Variants in GLYR1 observed in about 807,000 individuals in gnomAD.
The protein encoded by GLYR1 is glyoxylate reductase 1 homolog, also known as cytokine-like nuclear factor N-PAC.
Under a neutral mutation model 72.7 loss-of-function variants are expected in GLYR1, and 21 were observed. That is an observed-to-expected ratio of 0.29 (90% CI 0.20 to 0.42). The LOEUF is 0.42. Ranked by LOEUF, GLYR1 falls within the 10% of genes least tolerant of loss-of-function variation. GLYR1 has a pLI of 1.00. For missense variants in GLYR1, 594 were observed against 712.1 expected (o/e 0.83, Z 1.89); for synonymous variants, 392 against 270.2 (o/e 1.45, Z -4.42).
chr16:4,816,021 T>C (rs953756507), intron 10 of GLYR1, among the ~76,000 whole-genome samples: 1 of 152,224 alleles, frequency 6.6e-6, no homozygotes, highest in Non-Finnish European at 1.5e-5. Context: ...CCCCAGTCTC[T>C]GCCTTCCAAA....
chr16:4,830,221 CTTT>C (rs35409655), intron 5 of GLYR1, among the ~76,000 whole-genome samples: 10 of 123,562 alleles, frequency 8.1e-5, no homozygotes, highest in Admixed American at 8.5e-5. Context: ...CCAACTTTGT[CTTT>C]TTTTTTTTTT....
At chr16:4,807,206 G>A (rs2083043923) in intron 15 of GLYR1, among the ~76,000 whole-genome samples, 1 of 151,216 alleles carries the variant, frequency 6.6e-6, no homozygotes, top group South Asian at 2.1e-4. Context: ...CCGCCTCCTG[G>A]GTTCAAGTGA....
rs144597336 is a variant in GLYR1, at chr16:4,844,979, T to G, written c.155+95A>C. On this transcript the variant is annotated intron_variant, in intron 3 of 15. Transcript: ENST00000321919. ...CCAGTATTACACATTATAAGAAGAC[T>G]GAACTAAGGATCCTTAGAATATTTT... 282 of 820,102 alleles carry G rather than the reference T, an allele frequency of 3.4e-4. No individual in the cohort carries two copies. In the African/African-American group the frequency reaches 4.4e-3, roughly 13 times the overall value. 50.8% of individuals were successfully genotyped at this position (820,102 alleles called of 1,614,324 possible). A position where few individuals can be genotyped will look rare whatever the true frequency, so the allele number is the denominator to read the frequency against.
chr16:4,828,950 A>T (rs2084608737), intron 5 of GLYR1, among the ~76,000 whole-genome samples: 1 of 152,126 alleles, frequency 6.6e-6, no homozygotes, highest in South Asian at 2.1e-4. Context: ...AGACAATATC[A>T]ATTTGGGAAA....
At chr16:4,813,468 A>C (rs1271049024) in intron 12 of GLYR1, among the ~76,000 whole-genome samples, 1 of 152,166 alleles carries the variant, frequency 6.6e-6, no homozygotes, top group Non-Finnish European at 1.5e-5. Flanking sequence ...CCCCAATGCC[A>C]GGCGGGCGGC....
intron 6 of GLYR1, 97 bp from the exon 7 acceptor site, chr16:4,823,028 C>T: frequency 1.0e-6 from 1 of 970,866 alleles, no homozygotes; most frequent in Non-Finnish European, 1.7e-6. Context: ...TGCAACACCT[C>T]TGGATTCTGG....
At chr16:4,826,848 C>T (rs1290681988) in intron 5 of GLYR1, among the ~76,000 whole-genome samples, 1 of 152,172 alleles carries the variant, frequency 6.6e-6, no homozygotes, top group Non-Finnish European at 1.5e-5. Flanking sequence ...GGTGGTGCAG[C>T]CCTAGGACTC....
Position 4,804,790 on chromosome 16 carries a change from G to A in GLYR1, c.*446C>T, listed in dbSNP as rs762027640. 1.0e-4 allele frequency: 20 copies of A among 198,502 alleles called. No homozygotes were observed. The highest frequency in any genetic ancestry group is 2.0e-4 in the South Asian group (2 of 10,040). The allele number at this position is 198,502 out of a possible 1,614,324, so 12.3% of individuals were successfully genotyped here. On this transcript the variant is annotated 3_prime_UTR_variant, in exon 16 of 16. Transcript: ENST00000321919. Reference sequence around the variant, plus strand: ...ATGGGGACATGACTACAGCCTCTTCGCTCTGGGGGAAGCTGTGGGAAGGCT... The same window carrying A: ...ATGGGGACATGACTACAGCCTCTTCACTCTGGGGGAAGCTGTGGGAAGGCT...
intron 4 of GLYR1, 106 bp downstream of exon 4, chr16:4,832,668 A>G (rs2084874023): frequency 1.5e-6 from 2 of 1,306,736 alleles, no homozygotes; most frequent in South Asian, 3.2e-5. Flanking sequence ...CTCCAGTAGC[A>G]TTTCAGAAGA....
At chr16:4,846,149 C>T (rs1681428109) in intron 2 of GLYR1, 25 bp downstream of exon 2, 3 of 1,613,376 alleles carry the variant, frequency 1.9e-6, no homozygotes, top group Non-Finnish European at 2.5e-6. Context: ...CTTCAGATCT[C>T]TTCCTTTAGT....
rs1038209129 is a variant in GLYR1 at position 4,817,801 on chromosome 16, G to C, written c.807-104C>G. ...CGCTCCCTTATACAGCTTGGGGTAG[G>C]GGAATTCAGACTGCCAGAAACAGCA... On this transcript the variant is annotated intron_variant, in intron 9 of 15. Coordinates refer to ENST00000321919, the MANE Select transcript of GLYR1 (RefSeq NM_032569.4). The C allele has an allele frequency of 2.4e-5, 18 of 749,818 alleles. No individual in the cohort carries two copies. In the South Asian group the frequency reaches 2.8e-4, roughly 12 times the overall value. The allele number at this position is 749,818 out of a possible 1,614,324, so 46.4% of individuals were successfully genotyped here.
chr16:4,832,745 T>C (rs1324549117), intron 4 of GLYR1, 29 bp downstream of exon 4: 1 of 1,583,674 alleles, frequency 6.3e-7, no homozygotes, highest in Middle Eastern at 1.7e-4. Flanking sequence ...AGTCTGGCAT[T>C]GGTAGAAAGT....
intron 15 of GLYR1, among the ~76,000 whole-genome samples, chr16:4,810,299 A>G (rs953503562): frequency 3.3e-5 from 5 of 151,620 alleles, no homozygotes; most frequent in African/African-American, 1.2e-4. Flanking sequence ...GAGTTGGAGA[A>G]CAGCCTAGCC....
chr16:4,816,193 G>A (rs1294813858), intron 10 of GLYR1, among the ~76,000 whole-genome samples: 1 of 151,950 alleles, frequency 6.6e-6, no homozygotes, highest in African/African-American at 2.4e-5. Flanking sequence ...GCCTAGGTGG[G>A]AATGCAGTGG....
chr16:4,843,756 G>T, intron 3 of GLYR1: 1 of 650,204 alleles, frequency 1.5e-6, no homozygotes, highest in Non-Finnish European at 2.2e-6. Context: ...CAAATCTAAG[G>T]CTGTATTTTC....
In GLYR1 at chr16:4,821,565, C is replaced by A; in HGVS notation, c.714G>T (p.Lys238Asn). 1 of 1,614,074 alleles carries A rather than the reference C, an allele frequency of 6.2e-7. No homozygotes were observed. The highest frequency in any genetic ancestry group is 8.5e-7 in the Non-Finnish European group (1 of 1,180,032). The change falls in exon 8 of 16, where the codon AAG becomes AAT. Residue 238 changes from lysine (K) to asparagine (N), a missense_variant. Transcript: ENST00000321919. ...PAVCYQAITK[K>N]LKICEEETGS... ...TACATACCTCTTCACATATTTTCAACTTCTTCGTGATTGCCTGGTAACAGA... is the reference window on the plus strand; with the variant it reads ...TACATACCTCTTCACATATTTTCAAATTCTTCGTGATTGCCTGGTAACAGA...
chr16:4,812,027 G>A, intron 13 of GLYR1, 59 bp downstream of exon 13: 1 of 1,572,022 alleles, frequency 6.4e-7, no homozygotes. Flanking sequence ...GCTGTCATCA[G>A]TGTGAAACAG....
chr16:4,821,257 A>C, intron 9 of GLYR1, 123 bp downstream of exon 9: 1 of 942,242 alleles, frequency 1.1e-6, no homozygotes, highest in Non-Finnish European at 1.7e-6. Context: ...ACATCCCCCC[A>C]CCTTTTCCAT....
chr16:4,817,925 AC>A, intron 9 of GLYR1: 1 of 487,352 alleles, frequency 2.1e-6, no homozygotes, highest in South Asian at 2.6e-5. Flanking sequence ...GCATTTTGAA[AC>A]CCCTGACTGT....
Sources: allele counts gnomAD v4.1 joint callset (sites outside exome capture counted in the v4.1 genomes callset), GRCh38; gene constraint gnomAD v4.1.1; transcripts MANE v1.5; gene names NCBI Gene and HGNC (gene_info 2026-07-23, HGNC 2026-07-21).